The following CDH18 variants were observed in gnomAD, a reference collection of about 807,000 sequenced individuals.
CDH18 encodes cadherin 18.
CDH18 carries 31 observed loss-of-function variants against 67.9 expected under a neutral mutation model. The ratio of observed to expected loss-of-function variants is 0.46; its 90% CI spans 0.34 to 0.62. The LOEUF is 0.62. Ranked by LOEUF, CDH18 falls within the 20% of genes least tolerant of loss-of-function variation. CDH18 has a pLI of 0.01. For missense variants in CDH18, 890 were observed against 975.5 expected (o/e 0.91, Z 1.17); for synonymous variants, 362 against 347.2 (o/e 1.04, Z -0.48).
intron 5 of CDH18, among the ~76,000 whole-genome samples, chr5:19,698,332 T>C (rs1041168339): frequency 6.6e-6 from 1 of 152,144 alleles, no homozygotes; most frequent in African/African-American, 2.4e-5. Context: ...TGCTATTGTT[T>C]TGTGTATGGA....
At chr5:19,816,082 T>C (rs114346875) in intron 3 of CDH18, among the ~76,000 whole-genome samples, 1,695 of 152,028 alleles carry the variant, frequency 0.011, 30 homozygotes, top group African/African-American at 0.038. Flanking sequence ...AAAACAATGT[T>C]TTTATTAACT....
At chr5:20,146,820 T>A (rs569340778) in intron 2 of CDH18, among the ~76,000 whole-genome samples, 1 of 152,152 alleles carries the variant, frequency 6.6e-6, no homozygotes, top group East Asian at 1.9e-4. Context: ...ATTATGTGTG[T>A]TTTGAAAACA....
At chr5:20,081,779 A>G (rs1381222011) in intron 2 of CDH18, among the ~76,000 whole-genome samples, 1 of 152,126 alleles carries the variant, frequency 6.6e-6, no homozygotes, top group Non-Finnish European at 1.5e-5. Flanking sequence ...AACAACAGAC[A>G]CTGGGGCCTA....
intron 5 of CDH18, among the ~76,000 whole-genome samples, chr5:19,644,488 G>A (rs1754457272): frequency 6.6e-6 from 1 of 152,284 alleles, no homozygotes; most frequent in Middle Eastern, 3.4e-3. Flanking sequence ...AAAGCCTAGA[G>A]CTAGCAAAGC....
intron 2 of CDH18, among the ~76,000 whole-genome samples, chr5:19,938,629 CT>C (rs1170883547): frequency 6.6e-6 from 1 of 151,460 alleles, no homozygotes; most frequent in African/African-American, 2.4e-5. Flanking sequence ...TGACTTTCTA[CT>C]TCATGCTTTG....
At chr5:20,051,509 T>C (rs1207599907) in intron 2 of CDH18, among the ~76,000 whole-genome samples, 3 of 152,026 alleles carry the variant, frequency 2.0e-5, no homozygotes, top group African/African-American at 7.2e-5. Context: ...TTATGTATTT[T>C]CATGGGTTCA....
At chr5:20,044,475 A>C (rs1490588856) in intron 2 of CDH18, among the ~76,000 whole-genome samples, 2 of 152,162 alleles carry the variant, frequency 1.3e-5, no homozygotes, top group Non-Finnish European at 2.9e-5. Flanking sequence ...ACATATATTC[A>C]GTTCTACTAT....
intron 2 of CDH18, among the ~76,000 whole-genome samples, chr5:20,172,218 A>ATATATGTATATATATATATATG (rs1256030373): frequency 1.2e-5 from 1 of 80,744 alleles, no homozygotes; most frequent in East Asian, 3.0e-4. Context: ...ATATATATAT[A>ATATATGTATATATATATATATG]TATATGTATA....
At chr5:20,270,406 G>C (rs1056227806) in intron 1 of CDH18, among the ~76,000 whole-genome samples, 1 of 152,144 alleles carries the variant, frequency 6.6e-6, no homozygotes, top group Non-Finnish European at 1.5e-5. Context: ...GATCATTAAA[G>C]TAATGCAAAT....
intron 1 of CDH18, among the ~76,000 whole-genome samples, chr5:20,520,576 T>C (rs1581144817): frequency 6.6e-6 from 1 of 152,090 alleles, no homozygotes; most frequent in African/African-American, 2.4e-5. Context: ...ACAAGGGTAG[T>C]GAGGCATTTT....
chr5:19,594,784 G>A (rs1386310872), intron 6 of CDH18, among the ~76,000 whole-genome samples: 2 of 152,080 alleles, frequency 1.3e-5, no homozygotes, highest in South Asian at 4.1e-4. Flanking sequence ...TACTGTACTT[G>A]TAGAGTTAAA....
intron 1 of CDH18, among the ~76,000 whole-genome samples, chr5:20,280,515 T>C (rs1580655202): frequency 6.6e-6 from 1 of 152,198 alleles, no homozygotes; most frequent in African/African-American, 2.4e-5. Context: ...GCTTCATCCA[T>C]GTCCCTACAA....
At chr5:20,255,730 G>A (rs901811489) in intron 1 of CDH18, among the ~76,000 whole-genome samples, 4 of 151,802 alleles carry the variant, frequency 2.6e-5, no homozygotes, top group Admixed American at 6.6e-5. Context: ...GCTCCGTCAC[G>A]TGTTAGCCAT....
intron 4 of CDH18, among the ~76,000 whole-genome samples, chr5:19,723,978 G>C (rs1011107045): frequency 1.3e-5 from 2 of 152,024 alleles, no homozygotes; most frequent in African/African-American, 4.8e-5. Context: ...CCTAAGTGCT[G>C]GGATTACAGG....
intron 2 of CDH18, among the ~76,000 whole-genome samples, chr5:20,078,499 G>A (rs903647531): frequency 1.3e-5 from 2 of 151,718 alleles, no homozygotes; most frequent in East Asian, 1.9e-4. Flanking sequence ...AAAAACAGAT[G>A]TTCACATATG....
chr5:20,012,300 A>ATGTTTAC (rs1317349075), intron 2 of CDH18, among the ~76,000 whole-genome samples: 2 of 134,904 alleles, frequency 1.5e-5, no homozygotes, highest in Non-Finnish European at 3.1e-5. Flanking sequence ...ATTTCTGATT[A>ATGTTTAC]TGTTTACTTG....
At chr5:19,687,029 A>G (rs551127864) in intron 5 of CDH18, among the ~76,000 whole-genome samples, 1 of 152,288 alleles carries the variant, frequency 6.6e-6, no homozygotes, top group African/African-American at 2.4e-5. Context: ...GGAATTCAGC[A>G]AAGAAGTGAC....
chr5:20,485,536 G>GT (rs1339903419), intron 1 of CDH18, among the ~76,000 whole-genome samples: 2 of 152,082 alleles, frequency 1.3e-5, no homozygotes, highest in East Asian at 3.8e-4. Context: ...ATGTGTATAT[G>GT]GCTGTGCAGA....
intron 3 of CDH18, among the ~76,000 whole-genome samples, chr5:19,786,803 T>G (rs1337375138): frequency 6.6e-6 from 1 of 152,084 alleles, no homozygotes; most frequent in African/African-American, 2.4e-5. Flanking sequence ...TTAGTTCTTC[T>G]AATTTACACA....
Sources: gnomAD v4.1 joint callset for allele counts (sites outside exome capture counted in the v4.1 genomes callset) on GRCh38, gnomAD v4.1.1 for gene constraint, MANE v1.5 for transcripts, NCBI Gene and HGNC (gene_info 2026-07-23, HGNC 2026-07-21) for gene names.